Variants in TMOD1 observed in about 807,000 individuals in gnomAD.
The protein encoded by TMOD1 is tropomodulin-1.
A neutral mutation model predicts 40.6 loss-of-function variants in TMOD1; 17 were observed. That is an observed-to-expected ratio of 0.42 (90% CI 0.29 to 0.63). The LOEUF (loss-of-function observed/expected upper bound fraction) is 0.63. Ranked by LOEUF, TMOD1 falls within the 20% of genes least tolerant of loss-of-function variation. TMOD1 has a pLI of 0.22. For missense variants in TMOD1, 391 were observed against 447.6 expected (o/e 0.87, Z 1.14); for synonymous variants, 181 against 175.0 (o/e 1.03, Z -0.27).
intron 7 of TMOD1, among the ~76,000 whole-genome samples, chr9:97,568,072 A>T (rs1425837185): frequency 1.3e-5 from 2 of 152,062 alleles, no homozygotes; most frequent in Non-Finnish European, 2.9e-5. Flanking sequence ...CCTCTTCTCC[A>T]GTTTGCCCTG....
intron 4 of TMOD1, among the ~76,000 whole-genome samples, chr9:97,558,355 G>T (rs1464980893): frequency 6.6e-6 from 1 of 152,146 alleles, no homozygotes. Context: ...TTGCTGTATG[G>T]TTTTGGCGAA....
At chr9:97,559,821 A>ATC (rs1830607018) in intron 4 of TMOD1, among the ~76,000 whole-genome samples, 11 of 26,212 alleles carry the variant, frequency 4.2e-4, no homozygotes, top group Non-Finnish European at 6.8e-4. Context: ...ATATATATAT[A>ATC]TATGTCTATC....
chr9:97,543,911 C>T (rs1306310782), intron 2 of TMOD1, among the ~76,000 whole-genome samples: 1 of 152,214 alleles, frequency 6.6e-6, no homozygotes, highest in Non-Finnish European at 1.5e-5. Flanking sequence ...AGAACTGCTG[C>T]TTAAGGAAAA....
At chr9:97,536,896 G>A (rs1430648280) in intron 2 of TMOD1, among the ~76,000 whole-genome samples, 1 of 152,146 alleles carries the variant, frequency 6.6e-6, no homozygotes, top group Non-Finnish European at 1.5e-5. Context: ...GATGTATTTG[G>A]GAAAAGTGAT....
At chr9:97,524,451 T>C in intron 2 of TMOD1, 143 bp downstream of exon 2, 2 of 1,001,556 alleles carry the variant, frequency 2.0e-6, no homozygotes, top group Non-Finnish European at 2.9e-6. Flanking sequence ...GATTTTTCTT[T>C]TAATGTGTTG....
chr9:97,590,676 T>G (rs1825982499), intron 8 of TMOD1, among the ~76,000 whole-genome samples: 1 of 151,926 alleles, frequency 6.6e-6, no homozygotes, highest in East Asian at 1.9e-4. Flanking sequence ...TCACTATAGA[T>G]TTGGGGGCAG....
At chr9:97,552,208 T>G (rs562150855) in intron 3 of TMOD1, among the ~76,000 whole-genome samples, 2 of 152,352 alleles carry the variant, frequency 1.3e-5, no homozygotes, top group East Asian at 1.9e-4. Flanking sequence ...AAACTTCCAG[T>G]GCAATGTTGA....
Position 97,601,169 on chromosome 9 carries a change from A to G in TMOD1, c.*1471A>G, listed in dbSNP as rs979396114. 1.5e-6 allele frequency: 2 copies of G among 1,300,514 alleles called. No individual in the cohort carries two copies. Among genetic ancestry groups the G allele is most frequent in the Admixed American group, 2.4e-5 (1 of 42,444 alleles). 80.6% of individuals were successfully genotyped at this position (1,300,514 alleles called of 1,614,324 possible). On this transcript the variant is annotated 3_prime_UTR_variant, in exon 10 of 10. Coordinates refer to ENST00000259365, the MANE Select transcript of TMOD1 (RefSeq NM_003275.4). ...CCATGTTGCAGGGACAACCATCCCC[A>G]TTTGGCTTCTCCTTAAAACACAATT...
rs1825940203 is a variant in TMOD1 at position 97,589,012 on chromosome 9, G to T, written c.871-2279G>T. Among the ~76,000 whole-genome samples the T allele has an allele frequency of 1.3e-5, 2 of 150,872 alleles. 1 individual carries two copies. The highest frequency in any genetic ancestry group is 6.8e-3 in the Middle Eastern group (2 of 294). On this transcript the variant is annotated intron_variant, in intron 8 of 9. Transcript: ENST00000259365. ...TGCGCCTGTAATCCCAGCTACTCAGGAGGCTGAGGCAGGAGAATTGCTTGA... is the reference window on the plus strand; with the variant it reads ...TGCGCCTGTAATCCCAGCTACTCAGTAGGCTGAGGCAGGAGAATTGCTTGA...
chr9:97,511,159 C>T (rs902912658), intron 1 of TMOD1, among the ~76,000 whole-genome samples: 5 of 151,994 alleles, frequency 3.3e-5, no homozygotes, highest in Admixed American at 6.6e-5. Context: ...TTTAGAGCAT[C>T]GAGCATGGCT....
chr9:97,595,379 C>T (rs986482453), intron 9 of TMOD1, among the ~76,000 whole-genome samples: 1 of 152,182 alleles, frequency 6.6e-6, no homozygotes, highest in Non-Finnish European at 1.5e-5. Flanking sequence ...CCCCATTCCC[C>T]ACCCACAGCT....
Position 97,600,678 on chromosome 9 carries a change from C to T in TMOD1, c.*980C>T, listed in dbSNP as rs745942260. On this transcript the variant is annotated 3_prime_UTR_variant, in exon 10 of 10. Coordinates refer to ENST00000259365, the MANE Select transcript of TMOD1 (RefSeq NM_003275.4). ...ATTAGACAAATTGCTGCTGACCTTA[C>T]GCCTGTATATTAAGCCTCCGCAGGA... is the stretch of plus-strand genomic sequence containing the variant. The T allele has an allele frequency of 3.5e-4, 348 of 997,046 alleles. No individual in the cohort carries two copies. Among genetic ancestry groups the T allele is most frequent in the Middle Eastern group, 5.1e-4 (1 of 1,978 alleles). The allele number at this position is 997,046 out of a possible 1,614,324, so 61.8% of individuals were successfully genotyped here. A position where few individuals can be genotyped will look rare whatever the true frequency, so the allele number is the denominator to read the frequency against.
intron 4 of TMOD1, among the ~76,000 whole-genome samples, chr9:97,559,794 A>AAAAAAAAAAAATAT (rs1390791825): frequency 4.3e-5 from 1 of 23,178 alleles, no homozygotes; most frequent in African/African-American, 1.5e-4. Context: ...AAAAAAAAAA[A>AAAAAAAAAAAATAT]ATATATATAT....
At chr9:97,565,715 TA>T in intron 6 of TMOD1, 132 bp from the exon 7 acceptor site, 1 of 696,240 alleles carries the variant, frequency 1.4e-6, no homozygotes. Flanking sequence ...GGACAAAGCC[TA>T]AACCTTTTGC....
intron 2 of TMOD1, among the ~76,000 whole-genome samples, chr9:97,532,863 G>T (rs10982558): frequency 0.099 from 15,049 of 152,160 alleles, 1,363 homozygotes; most frequent in African/African-American, 0.24. Flanking sequence ...GTAAGAAAAT[G>T]TTCACTTACC....
chr9:97,589,170 TTTAA>T (rs1178587474), intron 8 of TMOD1, among the ~76,000 whole-genome samples: 2 of 150,638 alleles, frequency 1.3e-5, no homozygotes, highest in East Asian at 3.9e-4. Flanking sequence ...TTATTATAAA[TTTAA>T]TTATTCTCTC....
intron 1 of TMOD1, among the ~76,000 whole-genome samples, chr9:97,506,242 CA>C (rs895329184): frequency 5.9e-5 from 9 of 152,206 alleles, no homozygotes; most frequent in African/African-American, 2.2e-4. Context: ...GAGCACCAGC[CA>C]GAGTGTGTTC....
chr9:97,527,733 G>T (rs1830039220), intron 2 of TMOD1, among the ~76,000 whole-genome samples: 1 of 152,228 alleles, frequency 6.6e-6, no homozygotes, highest in Non-Finnish European at 1.5e-5. Flanking sequence ...ACTCAGAGGG[G>T]TTTTGGGAGC....
At chr9:97,595,357 T>G (rs1332853908) in intron 9 of TMOD1, among the ~76,000 whole-genome samples, 1 of 152,192 alleles carries the variant, frequency 6.6e-6, no homozygotes, top group Non-Finnish European at 1.5e-5. Flanking sequence ...TTGTATCCTG[T>G]GGCCATTATC....
Sources: allele counts gnomAD v4.1 joint callset (sites outside exome capture counted in the v4.1 genomes callset), GRCh38; gene constraint gnomAD v4.1.1; transcripts MANE v1.5; gene names NCBI Gene and HGNC (gene_info 2026-07-23, HGNC 2026-07-21).